Variants in NFE2 observed in about 807,000 individuals in gnomAD.
The protein encoded by NFE2 is transcription factor NF-E2 45 kDa subunit.
NFE2 carries 13 observed loss-of-function variants against 25.8 expected under a neutral mutation model. That is an observed-to-expected ratio of 0.50 (90% CI 0.33 to 0.80). The LOEUF (loss-of-function observed/expected upper bound fraction) is 0.80, where lower values mean the gene tolerates loss of function less well. NFE2 is among the 30% of genes least tolerant of loss of function. The probability of loss-of-function intolerance (pLI) is 0.02; values close to 1 mark genes in which losing one functional copy is unlikely to be tolerated. For synonymous variants in NFE2, 204 were observed against 200.2 expected (o/e 1.02, Z -0.16); for missense variants, 382 against 478.9 (o/e 0.80, Z 1.89).
At chr12:54,298,545 G>A (rs949602503) in intron 1 of NFE2, among the ~76,000 whole-genome samples, 2 of 151,370 alleles carry the variant, frequency 1.3e-5, no homozygotes, top group Admixed American at 6.6e-5. Flanking sequence ...CATGACCGTG[G>A]GCAAATTGCT....
intron 2 of NFE2, among the ~76,000 whole-genome samples, chr12:54,293,616 A>C (rs1944341852): frequency 6.6e-6 from 1 of 152,206 alleles, no homozygotes; most frequent in Non-Finnish European, 1.5e-5. Flanking sequence ...ATGGGAGGCC[A>C]AGGCGGCAGA....
intron 1 of NFE2, among the ~76,000 whole-genome samples, chr12:54,296,608 T>C (rs537902735): frequency 6.6e-6 from 1 of 152,204 alleles, no homozygotes; most frequent in African/African-American, 2.4e-5. Context: ...CATTCATCAG[T>C]TCTTTCTGTG....
chr12:54,296,280 CAT>C (rs1432603677), intron 1 of NFE2, among the ~76,000 whole-genome samples: 2 of 151,754 alleles, frequency 1.3e-5, no homozygotes, highest in Non-Finnish European at 2.9e-5. Flanking sequence ...TGGGGTGGCA[CAT>C]GTCTGTAGTC....
At chr12:54,297,280 G>T (rs556273701) in intron 1 of NFE2, among the ~76,000 whole-genome samples, 1 of 141,120 alleles carries the variant, frequency 7.1e-6, no homozygotes, top group Non-Finnish European at 1.5e-5. Context: ...ACTTGAACCT[G>T]AAAGGTCACG....
intron 1 of NFE2, chr12:54,300,374 A>G (rs771325896): frequency 6.6e-6 from 1 of 152,520 alleles, no homozygotes; most frequent in Non-Finnish European, 1.5e-5. Flanking sequence ...AGGTTCAGAT[A>G]TCCAGTGTTT....
At chr12:54,295,049 C>T in intron 2 of NFE2, 86 bp downstream of exon 2, 3 of 1,084,664 alleles carry the variant, frequency 2.8e-6, no homozygotes, top group South Asian at 1.3e-5. Flanking sequence ...CCTGCTTGCT[C>T]CTGCCCTCTG....
intron 1 of NFE2, among the ~76,000 whole-genome samples, chr12:54,298,906 C>G (rs1258866851): frequency 6.6e-6 from 1 of 152,008 alleles, no homozygotes; most frequent in Non-Finnish European, 1.5e-5. Context: ...CAAAAATTAG[C>G]CAGGTCTGGT....
chr12:54,297,356 C>CAAAAAA (rs35611028), intron 1 of NFE2, among the ~76,000 whole-genome samples: 1 of 49,994 alleles, frequency 2.0e-5, no homozygotes, highest in Non-Finnish European at 3.5e-5. Context: ...GACCCTGTCT[C>CAAAAAA]AAAAAAAAAA....
At chr12:54,300,053 A>G (rs1205648042) in intron 1 of NFE2, 1 of 152,158 alleles carries the variant, frequency 6.6e-6, no homozygotes, top group East Asian at 1.9e-4. Flanking sequence ...GAGGGGGACG[A>G]GTTTCTGCTA....
chr12:54,297,393 GT>G (rs1363003628), intron 1 of NFE2, among the ~76,000 whole-genome samples: 2 of 147,210 alleles, frequency 1.4e-5, no homozygotes, highest in Non-Finnish European at 3.0e-5. Context: ...GCCAGGTGCA[GT>G]GGCTCACACC....
chr12:54,295,348 T>C (rs1372656305), intron 1 of NFE2, 44 bp from the exon 2 acceptor site: 1 of 924,996 alleles, frequency 1.1e-6, no homozygotes, highest in East Asian at 2.6e-5. Flanking sequence ...CCTGCTAGGG[T>C]CAGCAAGTTT....
chr12:54,294,080 C>T (rs1485725425), intron 2 of NFE2, among the ~76,000 whole-genome samples: 11 of 151,698 alleles, frequency 7.3e-5, no homozygotes, highest in South Asian at 4.2e-4. Flanking sequence ...CTGGCTAACA[C>T]GGTGAAACCC....
chr12:54,297,656 A>G (rs1420718747), intron 1 of NFE2: 3 of 125,338 alleles, frequency 2.4e-5, no homozygotes. Flanking sequence ...ACAGAGTGAG[A>G]CTCTGTTTCG....
intron 1 of NFE2, chr12:54,295,861 C>A: frequency 6.5e-6 from 1 of 154,308 alleles, no homozygotes; most frequent in Non-Finnish European, 1.4e-5. Context: ...CAGCTCTGCC[C>A]TCTCCTCCTA....
intron 1 of NFE2, chr12:54,297,951 G>T (rs1311843730): frequency 6.6e-6 from 1 of 152,138 alleles, no homozygotes; most frequent in East Asian, 1.9e-4. Context: ...GGCAGAGTGG[G>T]TGGGGTGTTT....
At chr12:54,294,609 A>C (rs2137056551) in intron 2 of NFE2, among the ~76,000 whole-genome samples, 1 of 152,262 alleles carries the variant, frequency 6.6e-6, no homozygotes, top group Non-Finnish European at 1.5e-5. Context: ...TACATCAGGG[A>C]GCCACCCTGC....
At chr12:54,298,003 T>G (rs1592182167) in intron 1 of NFE2, 2 of 152,270 alleles carry the variant, frequency 1.3e-5, no homozygotes, top group South Asian at 2.1e-4. Context: ...AACCCCACCC[T>G]CCTCCACCCA....
chr12:54,298,595 G>A (rs1346957116), intron 1 of NFE2, among the ~76,000 whole-genome samples: 1 of 151,746 alleles, frequency 6.6e-6, no homozygotes, highest in East Asian at 1.9e-4. Flanking sequence ...ACAGGACTAG[G>A]AACCTAATTG....
intron 1 of NFE2, among the ~76,000 whole-genome samples, chr12:54,299,864 G>A (rs972562082): frequency 5.3e-5 from 8 of 152,032 alleles, no homozygotes; most frequent in African/African-American, 1.9e-4. Flanking sequence ...AAAACTTGGG[G>A]TATTGGTTAA....
Sources: gnomAD v4.1 joint callset for allele counts (sites outside exome capture counted in the v4.1 genomes callset) on GRCh38, gnomAD v4.1.1 for gene constraint, MANE v1.5 for transcripts, NCBI Gene and HGNC (gene_info 2026-07-23, HGNC 2026-07-21) for gene names.